Variants in GALNT13 observed in about 807,000 individuals in gnomAD.
GALNT13 encodes UDP-GalNAc:polypeptide N-acetylgalactosaminyltransferase 13.
Under a neutral mutation model 64.2 loss-of-function variants are expected in GALNT13, and 28 were observed. The ratio of observed to expected loss-of-function variants is 0.44; its 90% CI spans 0.32 to 0.60. The LOEUF (loss-of-function observed/expected upper bound fraction) is 0.60. Among genes scored for constraint, GALNT13 ranks in the 20% least tolerant of loss-of-function variants. The probability of loss-of-function intolerance (pLI) is 0.05; values close to 1 mark genes in which losing one functional copy is unlikely to be tolerated. For synonymous variants in GALNT13, 214 were observed against 224.6 expected, an observed-to-expected ratio of 0.95 and a Z score of 0.42; for missense variants, 577 against 669.8, an observed-to-expected ratio of 0.86 and a Z score of 1.53.
chr2:154,366,741 G>T (rs1360035449), intron 9 of GALNT13, among the ~76,000 whole-genome samples: 3 of 152,160 alleles, frequency 2.0e-5, no homozygotes, highest in African/African-American at 7.2e-5. Context: ...AACAGAGTTG[G>T]AGTCCAACAA....
downstream of GALNT13, among the ~76,000 whole-genome samples, chr2:154,454,161 CAG>C (rs933084572): frequency 4.6e-5 from 7 of 152,012 alleles, 1 homozygote; most frequent in East Asian, 1.9e-4. Context: ...GGAATAAACA[CAG>C]AGATTTTTAA....
chr2:153,580,849 C>G, the GALNT13 span, among the ~76,000 whole-genome samples: 1 of 152,084 alleles, frequency 6.6e-6, no homozygotes, highest in Non-Finnish European at 1.5e-5. Context: ...AGTCATCTCT[C>G]TCAGGTACAT....
the GALNT13 span, among the ~76,000 whole-genome samples, chr2:153,434,925 A>G: frequency 1.3e-5 from 2 of 152,110 alleles, no homozygotes; most frequent in Non-Finnish European, 2.9e-5. Flanking sequence ...CCTGAATGGT[A>G]TTGCCTAGAT....
At chr2:154,305,664 T>G (rs1200112573) in intron 9 of GALNT13, among the ~76,000 whole-genome samples, 4 of 152,178 alleles carry the variant, frequency 2.6e-5, no homozygotes, top group African/African-American at 9.7e-5. Context: ...TGACAATAAC[T>G]TACTTACTTT....
chr2:153,420,176 AACAGGTAT>A, the GALNT13 span, among the ~76,000 whole-genome samples: 3 of 152,314 alleles, frequency 2.0e-5, no homozygotes, highest in African/African-American at 7.2e-5. Flanking sequence ...GACTGTAAAG[AACAGGTAT>A]ACAGGACATT....
chr2:153,323,892 C>A, the GALNT13 span, among the ~76,000 whole-genome samples: 4 of 152,058 alleles, frequency 2.6e-5, no homozygotes, highest in African/African-American at 4.8e-5. Flanking sequence ...GTTACTGTAA[C>A]CTTGTAGTAT....
chr2:154,355,872 GA>G (rs1201150101), intron 9 of GALNT13, among the ~76,000 whole-genome samples: 3 of 152,020 alleles, frequency 2.0e-5, no homozygotes, highest in Non-Finnish European at 4.4e-5. Context: ...AGTGTACCAA[GA>G]AGAGGATTTA....
chr2:153,394,034 G>T, the GALNT13 span, among the ~76,000 whole-genome samples: 2 of 150,774 alleles, frequency 1.3e-5, no homozygotes, highest in South Asian at 4.2e-4. Flanking sequence ...GACTAATATA[G>T]GCCACGTGAC....
chr2:153,961,288 A>G (rs973097960), intron 3 of GALNT13, among the ~76,000 whole-genome samples: 5 of 152,204 alleles, frequency 3.3e-5, no homozygotes, highest in Non-Finnish European at 7.3e-5. Context: ...ATGCTGTACT[A>G]TTAGGAGGAG....
chr2:154,140,585 T>G (rs1683205866), intron 4 of GALNT13, 80 bp downstream of exon 4: 3 of 986,214 alleles, frequency 3.0e-6, no homozygotes, highest in Non-Finnish European at 4.6e-6. Context: ...CTAACTCAGA[T>G]TATATCAATT....
chr2:154,288,747 T>TATA (rs1692425127), intron 8 of GALNT13, among the ~76,000 whole-genome samples: 1 of 152,212 alleles, frequency 6.6e-6, no homozygotes, highest in Non-Finnish European at 1.5e-5. Flanking sequence ...AGAGGTGGGT[T>TATA]TCCATGGTCT....
intron 3 of GALNT13, among the ~76,000 whole-genome samples, chr2:154,072,489 A>G (rs972501613): frequency 2.0e-5 from 3 of 152,086 alleles, no homozygotes; most frequent in East Asian, 1.9e-4. Context: ...TTTTCATTAT[A>G]GTGTATATAA....
intron 3 of GALNT13, among the ~76,000 whole-genome samples, chr2:154,081,218 C>T (rs1701257090): frequency 6.6e-6 from 1 of 151,560 alleles, no homozygotes; most frequent in East Asian, 1.9e-4. Flanking sequence ...CACCCTCGTA[C>T]CCTTCCCTTG....
chr2:153,581,755 A>G, the GALNT13 span, among the ~76,000 whole-genome samples: 2 of 152,112 alleles, frequency 1.3e-5, no homozygotes, highest in Non-Finnish European at 2.9e-5. Flanking sequence ...TATTTATATA[A>G]GAGCTTAAGC....
the GALNT13 span, among the ~76,000 whole-genome samples, chr2:153,116,239 C>T: frequency 6.6e-6 from 1 of 151,978 alleles, no homozygotes; most frequent in Non-Finnish European, 1.5e-5. Context: ...GTAAAATTAA[C>T]TTATTTGGCA....
chr2:154,282,896 A>G (rs1692040139), intron 8 of GALNT13, among the ~76,000 whole-genome samples: 1 of 152,174 alleles, frequency 6.6e-6, no homozygotes, highest in Non-Finnish European at 1.5e-5. Flanking sequence ...TCTAGATTAC[A>G]CTGTGAAGTT....
the GALNT13 span, among the ~76,000 whole-genome samples, chr2:153,455,283 C>G: frequency 6.6e-6 from 1 of 152,176 alleles, no homozygotes; most frequent in Non-Finnish European, 1.5e-5. Context: ...GGAGTAAAAT[C>G]CTTTTATGGG....
At chr2:153,403,977 AT>A in the GALNT13 span, among the ~76,000 whole-genome samples, 2 of 152,138 alleles carry the variant, frequency 1.3e-5, no homozygotes, top group Non-Finnish European at 2.9e-5. Context: ...TTATTTTGAA[AT>A]TCTAATCCAC....
chr2:153,424,077 C>T, the GALNT13 span, among the ~76,000 whole-genome samples: 37 of 149,422 alleles, frequency 2.5e-4, no homozygotes, highest in African/African-American at 8.3e-4. Context: ...CAGATCGAGC[C>T]ATGTATATGT....
Sources: gnomAD v4.1 joint callset for allele counts (sites outside exome capture counted in the v4.1 genomes callset) on GRCh38, gnomAD v4.1.1 for gene constraint, MANE v1.5 for transcripts, NCBI Gene and HGNC (gene_info 2026-07-23, HGNC 2026-07-21) for gene names.